GALNT12: variants seen among roughly 807,000 people sequenced by gnomAD.
GALNT12 encodes the protein UDP-GalNAc:polypeptide N-acetylgalactosaminyltransferase 12.
In GALNT12, 45 loss-of-function variants were observed where a neutral mutation model predicts 55.5. That is an observed-to-expected ratio of 0.81 (90% CI 0.64 to 1.04). The LOEUF (loss-of-function observed/expected upper bound fraction) is 1.04, where lower values mean the gene tolerates loss of function less well. Among genes scored for constraint, GALNT12 ranks in the 50% least tolerant of loss-of-function variants. The pLI, the probability that GALNT12 is intolerant of heterozygous loss-of-function variation, is 0.00. For missense variants in GALNT12, 709 were observed against 754.8 expected, an observed-to-expected ratio of 0.94 and a Z score of 0.71; for synonymous variants, 304 against 312.2, an observed-to-expected ratio of 0.97 and a Z score of 0.28.
chr9:98,847,738 G>A (rs954484376), intron 9 of GALNT12, among the ~76,000 whole-genome samples: 4 of 150,628 alleles, frequency 2.7e-5, no homozygotes, highest in African/African-American at 7.3e-5. Flanking sequence ...AGAAACATAT[G>A]TGAATTCTGA....
chr9:98,819,884 G>C (rs1387973963), intron 1 of GALNT12, among the ~76,000 whole-genome samples: 3 of 152,176 alleles, frequency 2.0e-5, no homozygotes, highest in Non-Finnish European at 4.4e-5. Context: ...GGTGCTCTGT[G>C]AACTGACCAA....
Position 98,807,681 on chromosome 9 carries a change from G to C in GALNT12, c.-18G>C. 8.9e-7 allele frequency: 1 copy of C among 1,121,690 alleles called. No homozygotes were observed. The highest frequency in any genetic ancestry group is 5.2e-5 in the East Asian group (1 of 19,200). The allele number at this position is 1,121,690 out of a possible 1,614,324, so 69.5% of individuals were successfully genotyped here. A position where few individuals can be genotyped will look rare whatever the true frequency, so the allele number is the denominator to read the frequency against. On this transcript the variant is annotated 5_prime_UTR_variant, in exon 1 of 10. Coordinates refer to ENST00000375011, the MANE Select transcript of GALNT12 (RefSeq NM_024642.5). ...CCGCCTTGGGGCGCGCAGATCGCTG[G>C]CTGCAGTTGGCGGGCGCATGTGGGG... is the stretch of plus-strand genomic sequence containing the variant.
At chr9:98,839,965 G>A in intron 6 of GALNT12, 37 bp from the exon 7 acceptor site, 1 of 1,613,534 alleles carries the variant, frequency 6.2e-7, no homozygotes, top group Non-Finnish European at 8.5e-7. Flanking sequence ...GGAAGCACTA[G>A]GACCCATGGG....
chr9:98,847,260 G>A (rs1836441988), intron 9 of GALNT12: 1 of 152,178 alleles, frequency 6.6e-6, no homozygotes, highest in African/African-American at 2.4e-5. Flanking sequence ...TTCTAAAGAT[G>A]ATTAAAAGCT....
chr9:98,844,075 C>A (rs746162422), intron 7 of GALNT12, 21 bp from the exon 8 acceptor site: 1 of 1,534,130 alleles, frequency 6.5e-7, no homozygotes, highest in South Asian at 1.1e-5. Context: ...GACTGAAATG[C>A]CACATTTATG....
chr9:98,818,315 C>G (rs536909032), intron 1 of GALNT12, among the ~76,000 whole-genome samples: 4 of 152,046 alleles, frequency 2.6e-5, no homozygotes. Context: ...CTCCGCCCCC[C>G]GGGTTCAAGC....
intron 1 of GALNT12, among the ~76,000 whole-genome samples, chr9:98,812,292 C>G (rs1191063437): frequency 6.6e-6 from 1 of 151,852 alleles, no homozygotes; most frequent in Non-Finnish European, 1.5e-5. Flanking sequence ...TTTGTGTTGT[C>G]ATTAAAAAAA....
At position 98,807,837 on chromosome 9, in the gene GALNT12, G is replaced by A. The variant is rs1376691635; in HGVS notation, c.139G>A (p.Ala47Thr). ...LRAQRGAGAGAAEPGPPRTPR... is the reference protein window; with the variant it reads ...LRAQRGAGAGTAEPGPPRTPR... ...GGCGCAGCGTGGGGCCGGGGCCGGG[G>A]CTGCCGAGCCGGGACCCCCGCGCAC... The change falls in exon 1 of 10, where the codon GCT (alanine) becomes ACT (threonine). Residue 47 changes from alanine (A) to threonine (T), a missense_variant. Around this residue, in one of 5 missense-constraint regions of GALNT12, gnomAD observed 110 missense variants for 102.2 expected, o/e 1.08. Transcript: ENST00000375011. 4 of 1,015,640 alleles carry A rather than the reference G, an allele frequency of 3.9e-6. No homozygotes were observed. Among genetic ancestry groups the A allele is most frequent in the Non-Finnish European group, 4.7e-6 (4 of 852,178 alleles). The allele number at this position is 1,015,640 out of a possible 1,614,324, so 62.9% of individuals were successfully genotyped here. A position where few individuals can be genotyped will look rare whatever the true frequency, so the allele number is the denominator to read the frequency against.
Position 98,823,435 on chromosome 9 carries a change from G to T in GALNT12, c.541+10G>T. 1.2e-6 allele frequency: 2 copies of T among 1,613,078 alleles called. No individual in the cohort carries two copies. The stretch of plus-strand genomic sequence containing the variant: ...GACTACAGTGATAGAGGTGAGTCCC[G>T]GCCAGGGCTCTGGGAAGAGCCTGTC... On this transcript the variant is annotated intron_variant, in intron 2 of 9. Coordinates refer to ENST00000375011, the MANE Select transcript of GALNT12 (RefSeq NM_024642.5).
intron 8 of GALNT12, among the ~76,000 whole-genome samples, chr9:98,845,399 C>T (rs991106119): frequency 1.3e-5 from 2 of 152,080 alleles, no homozygotes; most frequent in East Asian, 1.9e-4. Context: ...ATCCTTATTC[C>T]GTCTCTGGGA....
chr9:98,837,637 A>T (rs1246715209), intron 6 of GALNT12, among the ~76,000 whole-genome samples: 2 of 152,194 alleles, frequency 1.3e-5, no homozygotes, highest in Non-Finnish European at 2.9e-5. Flanking sequence ...ACTAGGTAGC[A>T]CTTCAGCACT....
intron 4 of GALNT12, among the ~76,000 whole-genome samples, 174 bp from the exon 5 acceptor site, chr9:98,835,075 G>A (rs913892725): frequency 2.0e-5 from 3 of 152,140 alleles, no homozygotes; most frequent in Non-Finnish European, 2.9e-5. Flanking sequence ...GGCAGGGACC[G>A]TAGGGTACAT....
At chr9:98,814,366 AT>A (rs1225382527) in intron 1 of GALNT12, among the ~76,000 whole-genome samples, 10 of 152,176 alleles carry the variant, frequency 6.6e-5, no homozygotes, top group East Asian at 1.9e-4. Context: ...ATATGATTTG[AT>A]TTTTTTTAAA....
intron 7 of GALNT12, among the ~76,000 whole-genome samples, chr9:98,842,660 T>C (rs762229506): frequency 2.6e-5 from 4 of 152,108 alleles, no homozygotes; most frequent in Non-Finnish European, 4.4e-5. Context: ...CCAGAAGCCC[T>C]GCTCCTTTGT....
intron 4 of GALNT12, among the ~76,000 whole-genome samples, chr9:98,832,464 A>C (rs2118420079): frequency 6.6e-6 from 1 of 152,350 alleles, no homozygotes; most frequent in East Asian, 1.9e-4. Flanking sequence ...GGCTTTAGTG[A>C]GCTATGATCA....
chr9:98,849,652 G>C lies in GALNT12; in HGVS notation c.*560G>C. The C allele has an allele frequency of 2.4e-6, 1 of 409,496 alleles. No individual in the cohort carries two copies. The highest frequency in any genetic ancestry group is 4.3e-6 in the Non-Finnish European group (1 of 232,144). 25.4% of individuals were successfully genotyped at this position (409,496 alleles called of 1,614,324 possible). A position where few individuals can be genotyped will look rare whatever the true frequency, so the allele number is the denominator to read the frequency against. ...TGTATTTTAAAAAGAATGCTTTTTG[G>C]TTATGTGTTGCTACCACAGTTAACA... is the stretch of plus-strand genomic sequence containing the variant. On this transcript the variant is annotated 3_prime_UTR_variant, in exon 10 of 10. Coordinates refer to ENST00000375011, the MANE Select transcript of GALNT12 (RefSeq NM_024642.5).
Position 98,846,066 on chromosome 9 carries a change from T to C in GALNT12, c.1548T>C (p.Leu516=). ...CTGTGGAAGCAGGAATGGATACCCT[T>C]ATCATGCATCTCTGCGAAGAAACTG... The part of the protein sequence containing the change: ...CIAVEAGMDT[L]IMHLCEETAP... The change falls in exon 9 of 10, where the codon CTT becomes CTC. Residue 516 remains leucine (L), a synonymous_variant. Transcript: ENST00000375011. The C allele has an allele frequency of 1.2e-6, 2 of 1,614,164 alleles. No homozygotes were observed. The highest frequency in any genetic ancestry group is 1.7e-6 in the Non-Finnish European group (2 of 1,179,988).
chr9:98,814,243 G>T (rs1210658095), intron 1 of GALNT12, among the ~76,000 whole-genome samples: 2 of 152,258 alleles, frequency 1.3e-5, no homozygotes, highest in East Asian at 3.9e-4. Context: ...GGAAAAGGTT[G>T]GCTCTTGAAA....
chr9:98,831,060 G>A (rs1180331018), intron 3 of GALNT12, among the ~76,000 whole-genome samples: 4 of 152,206 alleles, frequency 2.6e-5, no homozygotes, highest in Admixed American at 6.5e-5. Flanking sequence ...AGCATGCTGA[G>A]GGATGGCCAG....
Sources: allele counts gnomAD v4.1 joint callset (sites outside exome capture counted in the v4.1 genomes callset), GRCh38; gene constraint gnomAD v4.1.1; regional missense constraint gnomAD v4.1.1; transcripts MANE v1.5; gene names NCBI Gene and HGNC (gene_info 2026-07-23, HGNC 2026-07-21).